Variants in RUNDC3B observed in about 807,000 individuals in gnomAD.
RUNDC3B encodes RUN domain-containing protein 3B.
A neutral mutation model predicts 58.4 loss-of-function variants in RUNDC3B; 33 were observed. The ratio of observed to expected loss-of-function variants is 0.56; its 90% confidence interval spans 0.43 to 0.75. RUNDC3B has a LOEUF of 0.75. Ranked by LOEUF, RUNDC3B falls within the 30% of genes least tolerant of loss-of-function variation. RUNDC3B has a pLI of 0.00. For missense variants in RUNDC3B, 501 were observed against 535.7 expected, an observed-to-expected ratio of 0.94 and a Z score of 0.64; for synonymous variants, 193 against 195.2, an observed-to-expected ratio of 0.99 and a Z score of 0.10.
At chr7:87,657,141 G>T (rs565526898) in intron 2 of RUNDC3B, among the ~76,000 whole-genome samples, 15 of 152,268 alleles carry the variant, frequency 9.9e-5, no homozygotes, top group Middle Eastern at 3.4e-3. Flanking sequence ...GAAAGGTAGC[G>T]AGTAGAAGAA....
At chr7:87,728,650 A>G (rs978287040) in intron 4 of RUNDC3B, among the ~76,000 whole-genome samples, 1 of 152,230 alleles carries the variant, frequency 6.6e-6, no homozygotes, top group African/African-American at 2.4e-5. Flanking sequence ...TGATTACATC[A>G]GACCCATATG....
intron 10 of RUNDC3B, among the ~76,000 whole-genome samples, chr7:87,817,808 A>G (rs1360235874): frequency 6.6e-6 from 1 of 152,184 alleles, no homozygotes; most frequent in African/African-American, 2.4e-5. Flanking sequence ...TAAAAATCTT[A>G]TCCATCATTT....
At chr7:87,672,997 C>T (rs1825984636) in intron 2 of RUNDC3B, among the ~76,000 whole-genome samples, 1 of 152,206 alleles carries the variant, frequency 6.6e-6, no homozygotes, top group Non-Finnish European at 1.5e-5. Flanking sequence ...GCCATCCTGA[C>T]TACTCCCCTG....
chr7:87,786,306 C>A (rs1032388108), intron 8 of RUNDC3B, among the ~76,000 whole-genome samples: 1 of 151,882 alleles, frequency 6.6e-6, no homozygotes, highest in African/African-American at 2.4e-5. Context: ...TAAAAATCAT[C>A]ATAAAAGATG....
At chr7:87,629,368 G>T (rs143696954) in intron 1 of RUNDC3B, 8 of 158,800 alleles carry the variant, frequency 5.0e-5, no homozygotes, top group Admixed American at 6.5e-5. Context: ...CGTTGTTTTG[G>T]CTTGTTTACA....
intron 4 of RUNDC3B, among the ~76,000 whole-genome samples, chr7:87,716,162 G>A (rs1830545146): frequency 6.6e-6 from 1 of 152,154 alleles, no homozygotes; most frequent in Non-Finnish European, 1.5e-5. Context: ...CATTAAAATT[G>A]ACAGACACTG....
chr7:87,628,582 T>TGC lies in RUNDC3B; in HGVS notation c.-240_-239dup, dbSNP rs1171488303. ...GCCGAGGGCGGAGGTGGTGCGTGCG[T>TGC]GCGTGTGTGTGTGTGTGTGTGTGTG... is the stretch of plus-strand genomic sequence containing the variant. On this transcript the variant is annotated 5_prime_UTR_variant, in exon 1 of 11. Coordinates refer to ENST00000394654, the MANE Select transcript of RUNDC3B (RefSeq NM_001134405.2). 3.7e-6 allele frequency: 1 copy of TGC among 270,804 alleles called. No homozygotes were observed. Among genetic ancestry groups the TGC allele is most frequent in the Admixed American group, 7.3e-5 (1 of 13,766 alleles). The allele number at this position is 270,804 out of a possible 1,614,324, so 16.8% of individuals were successfully genotyped here.
chr7:87,669,957 T>C (rs1825666408), intron 2 of RUNDC3B, among the ~76,000 whole-genome samples: 1 of 152,192 alleles, frequency 6.6e-6, no homozygotes, highest in Non-Finnish European at 1.5e-5. Context: ...TTGGGGGTGA[T>C]CTTCTTGTAT....
intron 10 of RUNDC3B, among the ~76,000 whole-genome samples, chr7:87,820,987 G>T (rs1250548711): frequency 6.7e-6 from 1 of 149,980 alleles, no homozygotes; most frequent in East Asian, 2.0e-4. Context: ...CACAAGACAG[G>T]GATGCCCTCT....
Position 87,628,797 on chromosome 7 carries a change from CA to C in RUNDC3B, c.-23del. ...GGGGGGCGTGCGGGGTGGCACGAGACAAAAGGGGCACGGGGGTAAGCCCGCC... is the reference window on the plus strand; with the variant it reads ...GGGGGGCGTGCGGGGTGGCACGAGACAAAGGGGCACGGGGGTAAGCCCGCC... On this transcript the variant is annotated 5_prime_UTR_variant, in exon 1 of 11. Transcript: ENST00000394654. The C allele has an allele frequency of 1.6e-6, 2 of 1,217,026 alleles. No individual in the cohort carries two copies. The highest frequency in any genetic ancestry group is 2.1e-6 in the Non-Finnish European group (2 of 960,550). The allele number at this position is 1,217,026 out of a possible 1,614,324, so 75.4% of individuals were successfully genotyped here.
intron 1 of RUNDC3B, among the ~76,000 whole-genome samples, chr7:87,640,376 G>T (rs1180011395): frequency 5.9e-5 from 9 of 151,804 alleles, no homozygotes; most frequent in Non-Finnish European, 8.8e-5. Flanking sequence ...TTAGAGGTTG[G>T]GTCTTGCTGT....
intron 2 of RUNDC3B, among the ~76,000 whole-genome samples, chr7:87,661,423 C>A (rs1824705245): frequency 6.6e-6 from 1 of 151,390 alleles, no homozygotes; most frequent in Non-Finnish European, 1.5e-5. Context: ...CCTTCACTAC[C>A]CTCCCCAGCC....
intron 4 of RUNDC3B, among the ~76,000 whole-genome samples, chr7:87,726,602 A>C (rs1831246857): frequency 6.6e-6 from 1 of 152,142 alleles, no homozygotes; most frequent in Admixed American, 6.6e-5. Context: ...TATGAACTTT[A>C]AAGTAGTTTT....
intron 7 of RUNDC3B, among the ~76,000 whole-genome samples, chr7:87,774,969 C>T (rs1834538464): frequency 6.6e-6 from 1 of 152,150 alleles, no homozygotes; most frequent in African/African-American, 2.4e-5. Context: ...GGAAAGTATA[C>T]AATACTTGAT....
intron 6 of RUNDC3B, among the ~76,000 whole-genome samples, chr7:87,766,773 T>A (rs1369867394): frequency 6.6e-6 from 1 of 152,126 alleles, no homozygotes. Context: ...ATTTCTTGTA[T>A]CTGAATGGCT....
At chr7:87,703,484 A>G (rs2130708317) in intron 3 of RUNDC3B, among the ~76,000 whole-genome samples, 1 of 152,260 alleles carries the variant, frequency 6.6e-6, no homozygotes, top group East Asian at 1.9e-4. Flanking sequence ...TGAGACTATA[A>G]CTATAAAGTT....
chr7:87,666,874 T>C (rs1341457592), intron 2 of RUNDC3B, among the ~76,000 whole-genome samples: 2 of 152,224 alleles, frequency 1.3e-5, no homozygotes, highest in Non-Finnish European at 2.9e-5. Flanking sequence ...AGTACCATGC[T>C]GTTTTGGTCA....
Position 87,830,022 on chromosome 7 carries a change from C to T in RUNDC3B, c.1363C>T (p.Pro455Ser). The change falls in exon 11 of 11, where the codon CCA becomes TCA. Residue 455 changes from proline to serine, a missense_variant. Physicochemically the swap from Pro to Ser is moderately conservative, Grantham distance 74. Coordinates refer to ENST00000394654, the MANE Select transcript of RUNDC3B (RefSeq NM_001134405.2). ...AGAGATGACAAGTCCAGGCCTAACT[C>T]CATCCTGAAAATTTTTGTGTAAAAG... Reference protein sequence around the residue: ...TTEMTSPGLTPS With the variant: ...TTEMTSPGLTSS The T allele has an allele frequency of 6.4e-7, 1 of 1,566,586 alleles. No individual in the cohort carries two copies. The highest frequency in any genetic ancestry group is 1.2e-5 in the South Asian group (1 of 82,712).
chr7:87,817,687 C>T (rs1425802202), intron 10 of RUNDC3B, among the ~76,000 whole-genome samples: 1 of 152,150 alleles, frequency 6.6e-6, no homozygotes, highest in Non-Finnish European at 1.5e-5. Flanking sequence ...ATAGCCACCC[C>T]CATCCCCATC....
Sources: gnomAD v4.1 joint callset for allele counts (sites outside exome capture counted in the v4.1 genomes callset) on GRCh38, gnomAD v4.1.1 for gene constraint, MANE v1.5 for transcripts, NCBI Gene and HGNC (gene_info 2026-07-23, HGNC 2026-07-21) for gene names.